The following HSPA12B variants were observed in gnomAD, a reference collection of about 807,000 sequenced individuals.
HSPA12B encodes heat shock 70 kDa protein 12B.
Under a neutral mutation model 69.3 loss-of-function variants are expected in HSPA12B, and 54 were observed. The observed-to-expected ratio is 0.78, with a 90% CI of 0.63 to 0.98. The LOEUF is 0.98. HSPA12B is among the 50% of genes least tolerant of loss of function. HSPA12B has a pLI of 0.00. For missense variants in HSPA12B, 929 were observed against 999.8 expected (o/e 0.93, Z 0.96); for synonymous variants, 441 against 436.5 (o/e 1.01, Z -0.13).
At position 3,738,731 on chromosome 20, in the gene HSPA12B, C is replaced by A. The variant is rs751945993; in HGVS notation, c.43+14C>A. The A allele has an allele frequency of 1.8e-5, 29 of 1,614,010 alleles. No individual in the cohort carries two copies. Among genetic ancestry groups the A allele is most frequent in the Non-Finnish European group, 2.4e-5 (28 of 1,180,008 alleles). ...GGCTGTACATCGGTAAGAACCCCCACCATTCTGCCCTGACCCATCACCCAC... is the reference window on the plus strand; with the variant it reads ...GGCTGTACATCGGTAAGAACCCCCAACATTCTGCCCTGACCCATCACCCAC... On this transcript the variant is annotated intron_variant, in intron 2 of 12. Transcript: ENST00000254963.
rs747310620 is a variant in HSPA12B, at chr20:3,749,323, G to C, written c.937+5G>C. On this transcript the variant is annotated splice_donor_5th_base_variant and intron_variant, in intron 9 of 12. Transcript: ENST00000254963. The surrounding 1 kb of genome is among the most constrained non-coding windows in gnomAD (Gnocchi z 5.5). ...TGTGGGCAGAGATGCAAGCAGGTAGGGGGAAAGGGGGACGGAGTGTTATCC... is the reference window on the plus strand; with the variant it reads ...TGTGGGCAGAGATGCAAGCAGGTAGCGGGAAAGGGGGACGGAGTGTTATCC... The C allele has an allele frequency of 5.6e-6, 9 of 1,611,626 alleles. No homozygotes were observed. The South Asian group carries it at 9.9e-5, about 18-fold the overall frequency.
intron 1 of HSPA12B, among the ~76,000 whole-genome samples, chr20:3,733,127 T>C (rs1022150593): frequency 5.3e-5 from 8 of 152,076 alleles, no homozygotes; most frequent in Non-Finnish European, 1.0e-4. Flanking sequence ...AGGGACCCGG[T>C]GCCTAGGTCT....
intron 3 of HSPA12B, among the ~76,000 whole-genome samples, chr20:3,741,986 G>T (rs959962624): frequency 1.3e-5 from 2 of 152,170 alleles, no homozygotes; most frequent in Non-Finnish European, 1.5e-5. Flanking sequence ...GGTGTGAGGT[G>T]GGGGTGGGGC....
intron 3 of HSPA12B, among the ~76,000 whole-genome samples, chr20:3,742,050 T>C (rs1003946324): frequency 6.6e-6 from 1 of 151,720 alleles, no homozygotes; most frequent in African/African-American, 2.4e-5. Context: ...AAGCAGGAGC[T>C]TGAGCCAAAC....
intron 1 of HSPA12B, among the ~76,000 whole-genome samples, chr20:3,734,885 A>G (rs1331124071): frequency 6.6e-6 from 1 of 151,828 alleles, no homozygotes; most frequent in Admixed American, 6.6e-5. Flanking sequence ...GACTCTAGGC[A>G]TGCACTACCA....
At chr20:3,736,479 GGT>G (rs1471280542) in intron 1 of HSPA12B, among the ~76,000 whole-genome samples, 6 of 152,336 alleles carry the variant, frequency 3.9e-5, no homozygotes, top group Admixed American at 2.6e-4. Context: ...TGTGAGCAAG[GGT>G]GTGTGCATGT....
chr20:3,742,260 T>C (rs2146567168), intron 3 of HSPA12B, 24 bp from the exon 4 acceptor site: 1 of 1,610,868 alleles, frequency 6.2e-7, no homozygotes, highest in East Asian at 2.2e-5. Flanking sequence ...GGCTGCTTGC[T>C]AATTCTAAGT....
At position 3,752,001 on chromosome 20, in the gene HSPA12B, C is replaced by G. The variant is rs754616229; in HGVS notation, c.1896C>G (p.Leu632=). 14 of 1,567,728 alleles carry G rather than the reference C, an allele frequency of 8.9e-6. No individual in the cohort carries two copies. In the East Asian group the frequency reaches 3.0e-4, roughly 34 times the overall value. ...PGVRKCGALS[L]ELEPADCGQD... is the part of the protein sequence containing the mutation. ...TGCGCAAATGCGGCGCGCTCAGCCT[C>G]GAGCTTGAGCCCGCCGACTGCGGCC... Residue 632 remains leucine, a synonymous_variant, in exon 13 of 13, where the codon CTC becomes CTG. Transcript: ENST00000254963.
Position 3,750,114 on chromosome 20 carries a change from C to T in HSPA12B, c.1188C>T (p.Arg396=), listed in dbSNP as rs763853731. 16 of 1,612,192 alleles carry T rather than the reference C, an allele frequency of 9.9e-6. No individual in the cohort carries two copies. The Admixed American group carries it at 1.3e-4, about 13-fold the overall frequency. ...CCATCGCCTTCGAGGCTCGCAAGCG[C>T]ACTGCTGGCCCACACCGTGCAGGGG... ...DLTIAFEARK[R]TAGPHRAGAL... Residue 396 remains arginine, a synonymous_variant, in exon 11 of 13, where the codon CGC becomes CGT. Coordinates refer to ENST00000254963, the MANE Select transcript of HSPA12B (RefSeq NM_052970.5).
At chr20:3,743,763 T>C (rs2088249581) in intron 4 of HSPA12B, among the ~76,000 whole-genome samples, 1 of 151,572 alleles carries the variant, frequency 6.6e-6, no homozygotes, top group Non-Finnish European at 1.5e-5. Flanking sequence ...TTACAAAAAG[T>C]GCAGCAGTAA....
Position 3,752,276 on chromosome 20 carries a change from CT to C in HSPA12B, c.*113del. ...GAAACGATAGTTCTGCAGTCTGCGC[CT>C]TTCCACGCCCTCCAGCCCCGGGGGA... On this transcript the variant is annotated 3_prime_UTR_variant, in exon 13 of 13. Coordinates refer to ENST00000254963, the MANE Select transcript of HSPA12B (RefSeq NM_052970.5). 9.5e-7 allele frequency: 1 copy of C among 1,057,428 alleles called. No homozygotes were observed. The highest frequency in any genetic ancestry group is 1.3e-6 in the Non-Finnish European group (1 of 781,790). The allele number at this position is 1,057,428 out of a possible 1,614,324, so 65.5% of individuals were successfully genotyped here.
intron 8 of HSPA12B, 75 bp downstream of exon 8, chr20:3,748,466 T>A: frequency 7.5e-7 from 1 of 1,330,482 alleles, no homozygotes; most frequent in Non-Finnish European, 9.8e-7. Context: ...CAGCCATGTC[T>A]AGTATGAAGG....
chr20:3,750,280 G>A (rs1313886594), intron 11 of HSPA12B, 53 bp downstream of exon 11: 26 of 1,503,228 alleles, frequency 1.7e-5, no homozygotes, highest in East Asian at 2.3e-5. Context: ...GGGAATGACC[G>A]TGCACTGGAG....
rs375672888 is a variant in HSPA12B at position 3,751,629 on chromosome 20, G to A, written c.1524G>A (p.Leu508=). 1.3e-6 allele frequency: 2 copies of A among 1,528,496 alleles called. No individual in the cohort carries two copies. The highest frequency in any genetic ancestry group is 2.8e-5 in the African/African-American group (2 of 71,722). The allele number at this position is 1,528,496 out of a possible 1,614,324, so 94.7% of individuals were successfully genotyped here. A position where few individuals can be genotyped will look rare whatever the true frequency, so the allele number is the denominator to read the frequency against. Residue 508 remains leucine (L), a synonymous_variant, in exon 13 of 13, where the codon CTG becomes CTA. Transcript: ENST00000254963. ...AVQAALGARG[L]RVVVPHDVGL... Reference sequence around the variant, plus strand: ...AGGCGGCGCTGGGCGCCCGCGGTCTGCGTGTCGTGGTCCCGCACGACGTGG... The same window carrying A: ...AGGCGGCGCTGGGCGCCCGCGGTCTACGTGTCGTGGTCCCGCACGACGTGG...
rs745460844 is a variant in HSPA12B, at chr20:3,738,661, C to G, written c.-14C>G. ...GCTTGTCTGTTCCTGTTGACAGCTA[C>G]AGGGCCTGCAAGGATGTTGGCTGTC... On this transcript the variant is annotated 5_prime_UTR_variant, in exon 2 of 13. Transcript: ENST00000254963. 3.1e-6 allele frequency: 5 copies of G among 1,613,938 alleles called. No individual in the cohort carries two copies. In the Admixed American group the frequency reaches 6.7e-5, roughly 22 times the overall value.
rs1466647356 is a variant in HSPA12B, at chr20:3,740,775, C to G, written c.44-40C>G. On this transcript the variant is annotated intron_variant, in intron 2 of 12. Transcript: ENST00000254963. This position sits in a 1 kb window ranked among gnomAD's most constrained non-coding sequence, Gnocchi z 4.9. ...CTTGGGGCCCCGCTGCCATACCTAC[C>G]CTGCTTGTGCCAGGATGAACTGCCG... 1 of 1,574,168 alleles carries G rather than the reference C, an allele frequency of 6.4e-7. No individual in the cohort carries two copies. The highest frequency in any genetic ancestry group is 1.3e-5 in the African/African-American group (1 of 74,154).
chr20:3,751,675 G>A lies in HSPA12B; in HGVS notation c.1570G>A (p.Ala524Thr). ...HDVGLTILKG[A>T]VLFGQAPGVV... The stretch of plus-strand genomic sequence containing the variant: ...CGTGGGCCTCACCATCCTCAAAGGC[G>A]CGGTGCTGTTCGGCCAGGCGCCGGG... The change falls in exon 13 of 13, where the codon GCG (alanine) becomes ACG (threonine). Residue 524 changes from alanine (A) to threonine (T), a missense_variant. Physicochemically the swap from Ala to Thr is moderately conservative, Grantham distance 58 (BLOSUM62 0). Coordinates refer to ENST00000254963, the MANE Select transcript of HSPA12B (RefSeq NM_052970.5). 2.0e-6 allele frequency: 3 copies of A among 1,510,688 alleles called. No individual in the cohort carries two copies. The highest frequency in any genetic ancestry group is 2.6e-6 in the Non-Finnish European group (3 of 1,134,180). The allele number at this position is 1,510,688 out of a possible 1,614,324, so 93.6% of individuals were successfully genotyped here.
chr20:3,742,243 C>T (rs1431039330), intron 3 of HSPA12B, 41 bp from the exon 4 acceptor site: 1 of 1,605,858 alleles, frequency 6.2e-7, no homozygotes, highest in Admixed American at 1.7e-5. Context: ...ATGGGGGTGT[C>T]CCTGCTGGCT....
At chr20:3,736,465 A>T (rs2088109896) in intron 1 of HSPA12B, among the ~76,000 whole-genome samples, 1 of 152,198 alleles carries the variant, frequency 6.6e-6, no homozygotes, top group South Asian at 2.1e-4. Flanking sequence ...GTTTGTGTGA[A>T]CTGTGTGAGC....
Sources: allele counts gnomAD v4.1 joint callset (sites outside exome capture counted in the v4.1 genomes callset), GRCh38; gene constraint gnomAD v4.1.1; non-coding constraint Gnocchi (gnomAD v3.1); transcripts MANE v1.5; gene names NCBI Gene and HGNC (gene_info 2026-07-23, HGNC 2026-07-21).